The following SYNE2 variants were observed in gnomAD, a reference collection of about 807,000 sequenced individuals.
SYNE2 encodes the protein nesprin-2.
In SYNE2, 431 loss-of-function variants were observed where a neutral mutation model predicts 856.3. The ratio of observed to expected loss-of-function variants is 0.50; its 90% confidence interval spans 0.47 to 0.55. The LOEUF is 0.55. Among genes scored for constraint, SYNE2 ranks in the 20% least tolerant of loss-of-function variants. The probability of loss-of-function intolerance (pLI) is 0.00; values close to 1 mark genes in which losing one functional copy is unlikely to be tolerated. For missense variants in SYNE2, 8,129 were observed against 8,023.2 expected, an observed-to-expected ratio of 1.01 and a Z score of -0.50; for synonymous variants, 2,923 against 2,872.3, an observed-to-expected ratio of 1.02 and a Z score of -0.56.
intron 94 of SYNE2, chr14:64,174,103 ACT>A (rs1213654074): frequency 4.1e-6 from 2 of 483,148 alleles, no homozygotes; most frequent in Non-Finnish European, 3.6e-6. Context: ...ACAAAGCGTC[ACT>A]CTGTCACCCA....
At chr14:63,974,878 G>GTATATATATA (rs1566949539) in intron 11 of SYNE2, among the ~76,000 whole-genome samples, 1 of 29,350 alleles carries the variant, frequency 3.4e-5, no homozygotes, top group Admixed American at 3.8e-4. Context: ...GTGTGTGTGT[G>GTATATATATA]TGTGTGTGTG....
chr14:64,193,979 C>T (rs2098529552), intron 99 of SYNE2, among the ~76,000 whole-genome samples: 1 of 152,196 alleles, frequency 6.6e-6, no homozygotes, highest in African/African-American at 2.4e-5. Context: ...CATAAGATTA[C>T]TTGGGCCCTG....
At chr14:64,167,183 A>G in intron 90 of SYNE2, 50 bp from the exon 91 acceptor site, 1 of 1,611,914 alleles carries the variant, frequency 6.2e-7, no homozygotes, top group Non-Finnish European at 8.5e-7. Context: ...TTTGTCATCT[A>G]GATATCTTAT....
intron 45 of SYNE2, among the ~76,000 whole-genome samples, chr14:64,035,392 A>G (rs2097079038): frequency 1.3e-5 from 2 of 152,122 alleles, no homozygotes; most frequent in African/African-American, 2.4e-5. Context: ...TAGTTGGGCC[A>G]TGTGTCAACT....
At chr14:64,191,279 G>T (rs1166117979) in intron 99 of SYNE2, among the ~76,000 whole-genome samples, 1 of 151,960 alleles carries the variant, frequency 6.6e-6, no homozygotes, top group Admixed American at 6.6e-5. Flanking sequence ...ATCAACAGAG[G>T]CACTGAGCTA....
At chr14:64,150,994 G>A (rs934502244) in intron 84 of SYNE2, among the ~76,000 whole-genome samples, 9 of 152,118 alleles carry the variant, frequency 5.9e-5, no homozygotes, top group African/African-American at 1.4e-4. Flanking sequence ...GGATTGTTAC[G>A]ACAGTGAGAG....
chr14:64,208,948 A>G lies in SYNE2; in HGVS notation c.18389+3A>G, dbSNP rs755429358. ...ATGTCCATGGAGCGGCGCATGAAGTAAGAACTAAGCTCCCCCAAATGCCTT... is the reference window on the plus strand; with the variant it reads ...ATGTCCATGGAGCGGCGCATGAAGTGAGAACTAAGCTCCCCCAAATGCCTT... On this transcript the variant is annotated splice_donor_region_variant and intron_variant, in intron 101 of 115. Coordinates refer to ENST00000555002, the MANE Select transcript of SYNE2 (RefSeq NM_182914.3). 1 of 1,613,694 alleles carries G rather than the reference A, an allele frequency of 6.2e-7. No homozygotes were observed. The highest frequency in any genetic ancestry group is 2.2e-5 in the East Asian group (1 of 44,882).
At chr14:64,199,793 G>A (rs1341566831) in intron 99 of SYNE2, among the ~76,000 whole-genome samples, 5 of 151,790 alleles carry the variant, frequency 3.3e-5, no homozygotes, top group Non-Finnish European at 5.9e-5. Flanking sequence ...CCATCAGCGT[G>A]GGATATAGAT....
intron 84 of SYNE2, among the ~76,000 whole-genome samples, chr14:64,148,609 G>A (rs567314621): frequency 1.2e-4 from 19 of 152,018 alleles, no homozygotes; most frequent in African/African-American, 2.2e-4. Context: ...CCCTCACCAC[G>A]TGCCCACTGA....
In SYNE2 at chr14:64,170,322, G is replaced by T. The variant is rs148965783; in HGVS notation, c.17095G>T (p.Val5699Leu). 2.7e-5 allele frequency: 44 copies of T among 1,614,054 alleles called. No individual in the cohort carries two copies. The African/African-American group carries it at 5.6e-4, about 21-fold the overall frequency. ...RQRKGDVDGL[V>L]RQWQDFTTSV... Reference sequence around the variant, plus strand: ...GAGGAAGGGTGACGTTGATGGGCTGGTGAGGCAGTGGCAAGATTTCACTAC... The same window carrying T: ...GAGGAAGGGTGACGTTGATGGGCTGTTGAGGCAGTGGCAAGATTTCACTAC... The change falls in exon 94 of 116, where the codon GTG (valine) becomes TTG (leucine). Residue 5699 changes from valine (V) to leucine (L), a missense_variant. Physicochemically the swap from Val to Leu is conservative, Grantham distance 32 (BLOSUM62 1). Coordinates refer to ENST00000555002, the MANE Select transcript of SYNE2 (RefSeq NM_182914.3).
rs537780392 is a variant in SYNE2, at chr14:63,803,204, T to A, written c.-305+41218T>A. Among the ~76,000 whole-genome samples, 6 of 152,342 alleles carry A rather than the reference T, an allele frequency of 3.9e-5. No individual in the cohort carries two copies. The South Asian group carries it at 1.2e-3, about 32-fold the overall frequency. ...ACTCAGGACCCCAGCTGGCTTCACC[T>A]AGTGGATCCCCCACCGGGGCTGCAG... On this transcript the variant is annotated intron_variant, in intron 1 of 23. Transcript: ENST00000674003.
intron 112 of SYNE2, 28 bp from the exon 113 acceptor site, chr14:64,223,161 C>G: frequency 3.7e-6 from 6 of 1,612,448 alleles, no homozygotes; most frequent in Non-Finnish European, 5.1e-6. Context: ...GGACAGGTCA[C>G]TGTTTCACAC....
intron 2 of SYNE2, among the ~76,000 whole-genome samples, chr14:63,919,502 G>C (rs1408714461): frequency 6.6e-6 from 1 of 152,200 alleles, no homozygotes; most frequent in African/African-American, 2.4e-5. Context: ...CTGGATTGTG[G>C]TGGGCAAGGG....
In SYNE2 at chr14:64,129,707, ATTC is replaced by A. The variant is rs796097374; in HGVS notation, c.14020-72_14020-70del. The stretch of plus-strand genomic sequence containing the variant: ...CCTTCATCCCTTTCTGTACTATTTA[ATTC>A]TTTTTAGATAACTATGTGTACTTCT... On this transcript the variant is annotated intron_variant, in intron 74 of 115. Transcript: ENST00000555002. The A allele has an allele frequency of 2.4e-5, 39 of 1,599,798 alleles. No individual in the cohort carries two copies. In the African/African-American group the frequency reaches 4.3e-4, roughly 18 times the overall value.
intron 1 of SYNE2, among the ~76,000 whole-genome samples, chr14:63,862,353 G>A (rs1004963876): frequency 2.0e-5 from 3 of 152,124 alleles, no homozygotes; most frequent in South Asian, 4.1e-4. Flanking sequence ...GTGTGATTAT[G>A]GCTTATTGCA....
rs150155066 is a variant in SYNE2 at position 63,796,416 on chromosome 14, C to T, written c.-305+34430C>T. Among the ~76,000 whole-genome samples, 169 of 151,942 alleles carry T rather than the reference C, an allele frequency of 1.1e-3. 1 individual carries two copies. Among genetic ancestry groups the T allele is most frequent in the Middle Eastern group, 3.4e-3 (1 of 292 alleles). ...AGGTTACAGTAAGACGAGATCTCGC[C>T]GCTGCACTCCAGCCTGGGCAACAGA... On this transcript the variant is annotated intron_variant, in intron 1 of 23. Coordinates refer to the SYNE2 transcript ENST00000674003.
intron 1 of SYNE2, among the ~76,000 whole-genome samples, chr14:63,819,391 C>T (rs1039246128): frequency 1.3e-5 from 2 of 151,988 alleles, no homozygotes; most frequent in African/African-American, 4.8e-5. Context: ...GTCACTATGC[C>T]TGGCTAATTT....
intron 63 of SYNE2, 35 bp downstream of exon 63, chr14:64,098,856 G>A (rs1237540361): frequency 5.6e-6 from 9 of 1,601,886 alleles, no homozygotes; most frequent in Non-Finnish European, 6.8e-6. Flanking sequence ...AAGTTTGTTA[G>A]AACCAGATCT....
chr14:63,997,333 G>A lies in SYNE2; in HGVS notation c.3185G>A (p.Gly1062Glu). The change falls in exon 25 of 116, where the codon GGG (glycine) becomes GAG (glutamate). Residue 1062 changes from glycine (G) to glutamate (E), a missense_variant. Gly to Glu is a moderately conservative substitution (Grantham distance 98). Coordinates refer to ENST00000555002, the MANE Select transcript of SYNE2 (RefSeq NM_182914.3). ...ATCACCACATCTGAGAATAGAGGAG[G>A]GGATCCCCACAGTGAGGCACCATTT... ...GTITTSENRG[G>E]DPHSEAPFAK... 6.2e-7 allele frequency: 1 copy of A among 1,613,604 alleles called. No homozygotes were observed. The highest frequency in any genetic ancestry group is 2.2e-5 in the East Asian group (1 of 44,864).
Sources: allele counts gnomAD v4.1 joint callset (sites outside exome capture counted in the v4.1 genomes callset), GRCh38; gene constraint gnomAD v4.1.1; transcripts MANE v1.5; gene names NCBI Gene and HGNC (gene_info 2026-07-23, HGNC 2026-07-21).